Variants in PACRGL observed in about 807,000 individuals in gnomAD.
PACRGL encodes PACRG-like protein.
Under a neutral mutation model 34.5 loss-of-function variants are expected in PACRGL, and 38 were observed. The observed-to-expected ratio is 1.10, with a 90% CI of 0.85 to 1.44. The LOEUF (loss-of-function observed/expected upper bound fraction) is 1.44. PACRGL is among the 40% of genes most tolerant of loss of function. The pLI is 0.00. For synonymous variants in PACRGL, 128 were observed against 100.1 expected (o/e 1.28, Z -1.66); for missense variants, 305 against 281.4 (o/e 1.08, Z -0.60).
chr4:20,748,128 A>C (rs183622288), intron 8 of PACRGL, among the ~76,000 whole-genome samples: 1 of 152,194 alleles, frequency 6.6e-6, no homozygotes, highest in East Asian at 1.9e-4. Context: ...CCTGCCAAAA[A>C]TTCTACAAAG....
chr4:20,718,077 A>G (rs1298862302), intron 7 of PACRGL, among the ~76,000 whole-genome samples: 2 of 151,932 alleles, frequency 1.3e-5, no homozygotes, highest in Non-Finnish European at 2.9e-5. Flanking sequence ...ATTCCTAGGT[A>G]TTTTATTCTC....
intron 1 of PACRGL, 70 bp from the exon 2 acceptor site, chr4:20,704,396 G>A: frequency 7.0e-7 from 1 of 1,434,206 alleles, no homozygotes; most frequent in Non-Finnish European, 9.6e-7. Flanking sequence ...TTCTGGTTTT[G>A]TCTTTTTATT....
intron 1 of PACRGL, chr4:20,702,021 T>C (rs188909950): frequency 2.3e-6 from 1 of 440,350 alleles, no homozygotes; most frequent in African/African-American, 2.0e-5. Flanking sequence ...TACATAAAAG[T>C]TGTCCTGTAT....
downstream of PACRGL, among the ~76,000 whole-genome samples, chr4:20,754,910 A>G (rs765012327): frequency 2.0e-5 from 3 of 152,234 alleles, no homozygotes; most frequent in Admixed American, 6.5e-5. Context: ...GTGCTTTGAT[A>G]TTAATGCCTA....
chr4:20,749,608 TA>T, intron 8 of PACRGL: 1 of 1,276,622 alleles, frequency 7.8e-7, no homozygotes, highest in Non-Finnish European at 1.1e-6. Flanking sequence ...ATTTTCCCCC[TA>T]AAAAGACTAA....
At chr4:20,737,912 G>T (rs1430393320) in intron 8 of PACRGL, among the ~76,000 whole-genome samples, 1 of 152,266 alleles carries the variant, frequency 6.6e-6, no homozygotes, top group East Asian at 1.9e-4. Flanking sequence ...TGGGAAGGTT[G>T]TTTGAGTCCA....
the PACRGL span, among the ~76,000 whole-genome samples, chr4:20,759,995 C>G: frequency 6.6e-6 from 1 of 152,170 alleles, no homozygotes; most frequent in African/African-American, 2.4e-5. Flanking sequence ...TCCTTCCTAT[C>G]CTGTATCTTT....
chr4:20,713,564 T>C (rs372493610), intron 7 of PACRGL, 25 bp downstream of exon 7: 14 of 1,540,994 alleles, frequency 9.1e-6, no homozygotes, highest in South Asian at 2.2e-5. Flanking sequence ...GATTAGATAA[T>C]GATTGACTGT....
At chr4:20,699,719 A>G (rs1454063587), upstream of PACRGL, among the ~76,000 whole-genome samples, 1 of 152,152 alleles carries the variant, frequency 6.6e-6, no homozygotes, top group African/African-American at 2.4e-5. Flanking sequence ...GACAGGTCCA[A>G]AGGGCTTGGA....
intron 7 of PACRGL, among the ~76,000 whole-genome samples, chr4:20,722,325 C>T (rs183729605): frequency 1.8e-4 from 27 of 152,350 alleles, no homozygotes; most frequent in East Asian, 1.9e-4. Context: ...GCGCTATACC[C>T]GCTGTCCTGC....
chr4:20,712,478 A>G (rs1464161150), intron 5 of PACRGL, among the ~76,000 whole-genome samples: 1 of 152,128 alleles, frequency 6.6e-6, no homozygotes, highest in Non-Finnish European at 1.5e-5. Context: ...TAAGTAATCT[A>G]GAGATTATTT....
the PACRGL span, among the ~76,000 whole-genome samples, chr4:20,761,467 C>A: frequency 6.6e-6 from 1 of 152,174 alleles, no homozygotes; most frequent in African/African-American, 2.4e-5. Flanking sequence ...AAACACTTTG[C>A]AGTTAGACCC....
chr4:20,723,215 T>G (rs1392943838), intron 7 of PACRGL, among the ~76,000 whole-genome samples: 1 of 152,170 alleles, frequency 6.6e-6, no homozygotes, highest in African/African-American at 2.4e-5. Flanking sequence ...ATTTGTAAGC[T>G]TCATGTCAGG....
chr4:20,745,813 TCC>T (rs1236146495), intron 8 of PACRGL, among the ~76,000 whole-genome samples: 2 of 152,142 alleles, frequency 1.3e-5, no homozygotes, highest in Non-Finnish European at 2.9e-5. Context: ...CTCCCCTGAC[TCC>T]CTGCCAATCA....
In PACRGL at chr4:20,732,099, A is replaced by G; in HGVS notation, c.*4758A>G. 6.7e-7 allele frequency: 1 copy of G among 1,497,854 alleles called. No individual in the cohort carries two copies. The highest frequency in any genetic ancestry group is 9.3e-7 in the Non-Finnish European group (1 of 1,075,254). 92.8% of individuals were successfully genotyped at this position (1,497,854 alleles called of 1,614,324 possible). On this transcript the variant is annotated 3_prime_UTR_variant, in exon 9 of 9. Coordinates refer to ENST00000503585, the MANE Select transcript of PACRGL (RefSeq NM_001258345.3). Reference sequence around the variant, plus strand: ...CAGGAAGAAAACAAAAATTGTATTTAGACTTATCCCTTAATACCCTCACAC... The same window carrying G: ...CAGGAAGAAAACAAAAATTGTATTTGGACTTATCCCTTAATACCCTCACAC...
chr4:20,721,592 C>G (rs1022665806), intron 7 of PACRGL, among the ~76,000 whole-genome samples: 5 of 152,174 alleles, frequency 3.3e-5, no homozygotes, highest in Non-Finnish European at 5.9e-5. Context: ...GAGGTCCACT[C>G]CAGACCCTGT....
At chr4:20,713,601 T>C in intron 7 of PACRGL, 62 bp downstream of exon 7, 2 of 1,350,838 alleles carry the variant, frequency 1.5e-6, no homozygotes, top group South Asian at 1.2e-5. Context: ...CCATATCTCT[T>C]CATGATTTAA....
chr4:20,766,135 T>A, the PACRGL span, among the ~76,000 whole-genome samples: 1 of 152,160 alleles, frequency 6.6e-6, no homozygotes, highest in Non-Finnish European at 1.5e-5. Flanking sequence ...ATGGATTATC[T>A]CGTGGGAATA....
At chr4:20,722,520 T>G (rs775715106) in intron 7 of PACRGL, among the ~76,000 whole-genome samples, 3 of 152,252 alleles carry the variant, frequency 2.0e-5, no homozygotes, top group Non-Finnish European at 2.9e-5. Flanking sequence ...TGTGGCAACG[T>G]GCATGGAGTA....
Sources: allele counts gnomAD v4.1 joint callset (sites outside exome capture counted in the v4.1 genomes callset), GRCh38; gene constraint gnomAD v4.1.1; transcripts MANE v1.5; gene names NCBI Gene and HGNC (gene_info 2026-07-23, HGNC 2026-07-21).